Variants in ZNF346 observed in about 807,000 individuals in gnomAD.
The protein encoded by ZNF346 is zinc finger protein 346, also known as double-stranded RNA-binding zinc finger protein JAZ.
A neutral mutation model predicts 33.7 loss-of-function variants in ZNF346; 23 were observed. The ratio of observed to expected loss-of-function variants is 0.68; its 90% CI spans 0.49 to 0.97. The LOEUF is 0.97. Among genes scored for constraint, ZNF346 ranks in the 50% least tolerant of loss-of-function variants. The pLI, the probability that ZNF346 is intolerant of heterozygous loss-of-function variation, is 0.00. For synonymous variants in ZNF346, 134 were observed against 142.4 expected, an observed-to-expected ratio of 0.94 and a Z score of 0.42; for missense variants, 340 against 371.1, an observed-to-expected ratio of 0.92 and a Z score of 0.69.
At chr5:177,036,848 C>T (rs183338865) in intron 1 of ZNF346, among the ~76,000 whole-genome samples, 9 of 152,264 alleles carry the variant, frequency 5.9e-5, no homozygotes, top group African/African-American at 2.2e-4. Context: ...AGCAGCCTCA[C>T]CTGAGCCTGG....
chr5:177,038,569 T>G (rs918324011), intron 1 of ZNF346, among the ~76,000 whole-genome samples: 2 of 151,822 alleles, frequency 1.3e-5, no homozygotes. Flanking sequence ...AAGTGCAGTG[T>G]TGACACAAAG....
intron 5 of ZNF346, among the ~76,000 whole-genome samples, chr5:177,060,196 C>T (rs1225119244): frequency 6.6e-6 from 1 of 152,100 alleles, no homozygotes; most frequent in Admixed American, 6.6e-5. Flanking sequence ...CATGGCACAA[C>T]CCCACCTCTA....
chr5:177,035,500 G>T (rs941810015), intron 1 of ZNF346, among the ~76,000 whole-genome samples: 1 of 150,504 alleles, frequency 6.6e-6, no homozygotes, highest in African/African-American at 2.4e-5. Context: ...TACTCCTGTT[G>T]CCCAGGCTGG....
At position 177,022,775 on chromosome 5, in the gene ZNF346, G is replaced by A. The variant is rs930043085; in HGVS notation, c.37G>A (p.Asp13Asn). 2 of 1,555,310 alleles carry A rather than the reference G, an allele frequency of 1.3e-6. No homozygotes were observed. Residue 13 changes from aspartate to asparagine, a missense_variant, in exon 1 of 7, where the codon GAC becomes AAC. By Grantham distance (23) the Asp-to-Asn change is conservative (BLOSUM62 1). Transcript: ENST00000358149. The stretch of plus-strand genomic sequence containing the variant: ...CGCGCCGGCCACGGTGCAGGCCGCG[G>A]ACGGCGGAGCGGCCGGGCCTTACAG... ...YPAPATVQAA[D>N]GGAAGPYSSS...
chr5:177,075,340 T>A (rs1194680690), intron 8 of ZNF346, among the ~76,000 whole-genome samples: 1 of 151,506 alleles, frequency 6.6e-6, no homozygotes, highest in Non-Finnish European at 1.5e-5. Flanking sequence ...GAGGCAGAGG[T>A]TGCAGTGAGC....
chr5:177,037,731 T>C (rs1778700361), intron 1 of ZNF346, among the ~76,000 whole-genome samples: 1 of 152,186 alleles, frequency 6.6e-6, no homozygotes. Context: ...TCTTTCTGCT[T>C]CCATTCTTGT....
At chr5:177,064,490 C>T (rs191179095) in intron 6 of ZNF346, 22 bp from the exon 7 acceptor site, 514 of 1,605,212 alleles carry the variant, frequency 3.2e-4, no homozygotes, top group East Asian at 1.4e-3. Context: ...GACCCTCTTC[C>T]TTTGTTCCTT....
At chr5:177,052,162 C>G (rs1781021787) in intron 5 of ZNF346, among the ~76,000 whole-genome samples, 1 of 147,722 alleles carries the variant, frequency 6.8e-6, no homozygotes, top group South Asian at 2.1e-4. Context: ...GAACATGTAT[C>G]AAAAAAACAA....
chr5:177,029,414 A>G (rs533803493), intron 1 of ZNF346, among the ~76,000 whole-genome samples: 7 of 152,238 alleles, frequency 4.6e-5, no homozygotes, highest in East Asian at 3.9e-4. Flanking sequence ...GTATCCTTTA[A>G]CATATCTTTT....
At chr5:177,023,315 C>T (rs1157061979) in intron 1 of ZNF346, 3 of 997,890 alleles carry the variant, frequency 3.0e-6, no homozygotes, top group Non-Finnish European at 4.6e-6. Context: ...GGCCTCTCGC[C>T]TCCCTTCTCT....
At chr5:177,036,108 T>G (rs564445518) in intron 1 of ZNF346, among the ~76,000 whole-genome samples, 19 of 152,124 alleles carry the variant, frequency 1.2e-4, no homozygotes, top group African/African-American at 4.6e-4. Flanking sequence ...TGGCTCAAGT[T>G]GAAACAGCAG....
chr5:177,063,666 T>C (rs1043593319), intron 6 of ZNF346, among the ~76,000 whole-genome samples: 49 of 152,204 alleles, frequency 3.2e-4, no homozygotes, highest in African/African-American at 1.2e-3. Context: ...CAGTGTGACC[T>C]TGGGCAAGTC....
chr5:177,080,299 C>T (rs898864921), exon 9 of ZNF346: 4 of 152,192 alleles, frequency 2.6e-5, no homozygotes, highest in Admixed American at 2.6e-4. Context: ...AGGGTGTTGC[C>T]CATGCTTTTG....
chr5:177,061,402 G>A (rs1191167033), intron 5 of ZNF346, among the ~76,000 whole-genome samples: 2 of 151,342 alleles, frequency 1.3e-5, no homozygotes, highest in Non-Finnish European at 3.0e-5. Context: ...CCAAGATCGC[G>A]CCACTGCACT....
chr5:177,076,275 A>T (rs1783740342), intron 8 of ZNF346, among the ~76,000 whole-genome samples: 1 of 152,248 alleles, frequency 6.6e-6, no homozygotes, highest in African/African-American at 2.4e-5. Flanking sequence ...CAGCCCTATC[A>T]AGAGGCTGTT....
chr5:177,074,471 G>A (rs1783649729), intron 8 of ZNF346, among the ~76,000 whole-genome samples: 1 of 152,110 alleles, frequency 6.6e-6, no homozygotes, highest in Admixed American at 6.5e-5. Context: ...TTGGGAACCA[G>A]GATCAAGCTG....
At position 177,075,418 on chromosome 5, in the gene ZNF346, C is replaced by A. The variant is rs140532117; in HGVS notation, c.*3-3964C>A. Among the ~76,000 whole-genome samples the A allele has an allele frequency of 2.4e-3, 371 of 152,164 alleles. 2 individuals are homozygous for A. Among genetic ancestry groups the A allele is most frequent in the African/African-American group, 8.2e-3 (339 of 41,516 alleles). ...GACACCGTCTCAAAAAACAAACAAA[C>A]AAAAAAATCTACACTTTTTAATACT... On this transcript the variant is annotated intron_variant, in intron 8 of 8. Coordinates refer to the ZNF346 transcript ENST00000503039.
At position 177,062,046 on chromosome 5, in the gene ZNF346, G is replaced by T; in HGVS notation, c.704-12G>T. 1 of 1,609,454 alleles carries T rather than the reference G, an allele frequency of 6.2e-7. No individual in the cohort carries two copies. The highest frequency in any genetic ancestry group is 1.1e-5 in the South Asian group (1 of 90,724). On this transcript the variant is annotated splice_polypyrimidine_tract_variant and intron_variant, in intron 5 of 6. Coordinates refer to ENST00000358149, the MANE Select transcript of ZNF346 (RefSeq NM_012279.4). Reference sequence around the variant, plus strand: ...TCTGGATTACTAAGATCTTGATTTTGATGTGTTTCAGCTGGAAAGGGCTAC... The same window carrying T: ...TCTGGATTACTAAGATCTTGATTTTTATGTGTTTCAGCTGGAAAGGGCTAC...
rs529915551 is a variant in ZNF346 at position 177,044,804 on chromosome 5, T to C, written c.517+271T>C. ...TAATTATAACTCAGGAGTGCCAAAG[T>C]CCTCCAGGCCACGCATACCATGAGA... On this transcript the variant is annotated intron_variant, in intron 4 of 6. Coordinates refer to ENST00000358149, the MANE Select transcript of ZNF346 (RefSeq NM_012279.4). 3.3e-5 allele frequency among the ~76,000 whole-genome samples: 5 copies of C among 152,280 alleles called. No homozygotes were observed. The South Asian group carries it at 6.2e-4, about 19-fold the overall frequency.
Sources: allele counts gnomAD v4.1 joint callset (sites outside exome capture counted in the v4.1 genomes callset), GRCh38; gene constraint gnomAD v4.1.1; transcripts MANE v1.5; gene names NCBI Gene and HGNC (gene_info 2026-07-23, HGNC 2026-07-21).